The following NOL4 variants were observed in gnomAD, a reference collection of about 807,000 sequenced individuals.
NOL4 encodes nucleolar protein 4.
NOL4 carries 17 observed loss-of-function variants against 75.9 expected under a neutral mutation model. The ratio of observed to expected loss-of-function variants is 0.22; its 90% CI spans 0.15 to 0.34. NOL4 has a LOEUF of 0.34. NOL4 is among the 10% of genes least tolerant of loss of function. The pLI, the probability that NOL4 is intolerant of heterozygous loss-of-function variation, is 1.00. For missense variants in NOL4, 614 were observed against 793.5 expected (o/e 0.77, Z 2.72); for synonymous variants, 292 against 289.9 (o/e 1.01, Z -0.07).
At chr18:33,862,801 G>A (rs996284842) in intron 10 of NOL4, among the ~76,000 whole-genome samples, 31 of 152,170 alleles carry the variant, frequency 2.0e-4, no homozygotes, top group African/African-American at 6.5e-4. Context: ...GGAGAAATAG[G>A]AACACTTTTA....
chr18:33,901,553 C>G (rs1486536967), intron 9 of NOL4, among the ~76,000 whole-genome samples: 1 of 151,878 alleles, frequency 6.6e-6, no homozygotes, highest in East Asian at 1.9e-4. Flanking sequence ...TAAATAGGTG[C>G]TGATTGGATA....
chr18:34,120,356 A>C (rs2080082492), intron 2 of NOL4, among the ~76,000 whole-genome samples: 1 of 152,180 alleles, frequency 6.6e-6, no homozygotes, highest in Non-Finnish European at 1.5e-5. Flanking sequence ...TCATAAAATC[A>C]AACTGATCAT....
intron 1 of NOL4, among the ~76,000 whole-genome samples, chr18:34,164,113 C>A (rs904419013): frequency 6.6e-6 from 1 of 152,062 alleles, no homozygotes; most frequent in Non-Finnish European, 1.5e-5. Flanking sequence ...AAGACTTAGA[C>A]GTTAGACCTA....
At chr18:34,040,736 A>C (rs1177817608) in intron 5 of NOL4, among the ~76,000 whole-genome samples, 1 of 151,920 alleles carries the variant, frequency 6.6e-6, no homozygotes, top group African/African-American at 2.4e-5. Flanking sequence ...TGTGTTTCTA[A>C]CTTAGGTATC....
chr18:33,970,068 T>C (rs879842844), intron 6 of NOL4, among the ~76,000 whole-genome samples: 10 of 152,330 alleles, frequency 6.6e-5, no homozygotes, highest in Admixed American at 6.5e-4. Flanking sequence ...CCAAGAATTT[T>C]GATTTCTAGC....
intron 1 of NOL4, among the ~76,000 whole-genome samples, chr18:34,215,030 T>C (rs1482686751): frequency 6.6e-6 from 1 of 152,174 alleles, no homozygotes; most frequent in African/African-American, 2.4e-5. Context: ...AAAGGGGAAC[T>C]GTTGTATAAT....
chr18:34,174,073 A>G (rs2033307560), intron 1 of NOL4, among the ~76,000 whole-genome samples: 2 of 152,198 alleles, frequency 1.3e-5, no homozygotes, highest in Non-Finnish European at 2.9e-5. Context: ...GCTGAACAGT[A>G]CAATACCATG....
At chr18:34,101,746 G>A (rs2079051481) in intron 4 of NOL4, among the ~76,000 whole-genome samples, 1 of 151,890 alleles carries the variant, frequency 6.6e-6, no homozygotes, top group African/African-American at 2.4e-5. Context: ...ACCTTCTACT[G>A]GTGTCCCTGC....
At chr18:34,153,084 C>T (rs531881899) in intron 1 of NOL4, among the ~76,000 whole-genome samples, 4 of 151,806 alleles carry the variant, frequency 2.6e-5, no homozygotes, top group African/African-American at 7.2e-5. Context: ...TAGGAAACAA[C>T]GGGGTTGTTT....
intron 10 of NOL4, among the ~76,000 whole-genome samples, chr18:33,873,168 G>A (rs2063777527): frequency 6.6e-6 from 1 of 151,910 alleles, no homozygotes; most frequent in African/African-American, 2.4e-5. Flanking sequence ...TTCACCGTGG[G>A]GGATTGCTTA....
At chr18:34,105,847 A>C (rs765634020) in intron 2 of NOL4, among the ~76,000 whole-genome samples, 1 of 151,980 alleles carries the variant, frequency 6.6e-6, no homozygotes, top group African/African-American at 2.4e-5. Flanking sequence ...TGTTTTCAGA[A>C]CCATAATCTA....
At chr18:33,977,992 G>A (rs927982951) in intron 6 of NOL4, among the ~76,000 whole-genome samples, 1 of 152,072 alleles carries the variant, frequency 6.6e-6, no homozygotes, top group Non-Finnish European at 1.5e-5. Flanking sequence ...AAGTTGCTAT[G>A]GGCTGGTGCT....
intron 1 of NOL4, among the ~76,000 whole-genome samples, chr18:34,201,041 T>G (rs968030178): frequency 6.6e-6 from 1 of 150,884 alleles, no homozygotes; most frequent in South Asian, 2.1e-4. Context: ...TTGCATAAGA[T>G]AGAGAGACTG....
intron 1 of NOL4, among the ~76,000 whole-genome samples, chr18:34,133,725 G>T (rs965570534): frequency 6.6e-6 from 1 of 152,148 alleles, no homozygotes; most frequent in South Asian, 2.1e-4. Context: ...GAACCAAAAA[G>T]GTCAAATAAG....
At chr18:34,141,285 T>A (rs2081146076) in intron 1 of NOL4, among the ~76,000 whole-genome samples, 1 of 152,060 alleles carries the variant, frequency 6.6e-6, no homozygotes, top group African/African-American at 2.4e-5. Context: ...TTCAATGCCA[T>A]CCCCATCAAG....
Position 33,975,382 on chromosome 18 carries a change from A to T in NOL4, c.1057-16964T>A, listed in dbSNP as rs377282347. Among the ~76,000 whole-genome samples the T allele has an allele frequency of 5.9e-5, 9 of 152,340 alleles. No individual in the cohort carries two copies. In the East Asian group the frequency reaches 7.7e-4, roughly 13 times the overall value. On this transcript the variant is annotated intron_variant, in intron 6 of 10. Transcript: ENST00000261592. The stretch of plus-strand genomic sequence containing the variant: ...TACCATTTGTACAAAGAAGAAATCT[A>T]ATTATAAGGTAAGGAATATCTTCTT...
At chr18:34,076,317 A>T (rs562943046) in intron 5 of NOL4, among the ~76,000 whole-genome samples, 1 of 152,210 alleles carries the variant, frequency 6.6e-6, no homozygotes, top group African/African-American at 2.4e-5. Flanking sequence ...TTTTCACTTT[A>T]TTATACCCAT....
intron 9 of NOL4, among the ~76,000 whole-genome samples, chr18:33,908,755 C>T (rs1420487975): frequency 2.0e-5 from 3 of 151,988 alleles, no homozygotes; most frequent in Admixed American, 6.6e-5. Flanking sequence ...GAGGAACACG[C>T]ATAGATAACA....
intron 10 of NOL4, among the ~76,000 whole-genome samples, chr18:33,872,100 A>C (rs1310325613): frequency 1.3e-5 from 2 of 152,056 alleles, no homozygotes; most frequent in Non-Finnish European, 2.9e-5. Flanking sequence ...AATATCAATT[A>C]AATTATAGGT....
Sources: gnomAD v4.1 joint callset for allele counts (sites outside exome capture counted in the v4.1 genomes callset) on GRCh38, gnomAD v4.1.1 for gene constraint, MANE v1.5 for transcripts, NCBI Gene and HGNC (gene_info 2026-07-23, HGNC 2026-07-21) for gene names.